GRIN2C: variants seen among roughly 807,000 people sequenced by gnomAD.
The protein encoded by GRIN2C is glutamate ionotropic receptor NMDA type subunit 2C.
A neutral mutation model predicts 77.7 loss-of-function variants in GRIN2C; 64 were observed. The observed-to-expected ratio is 0.82, with a 90% confidence interval of 0.67 to 1.01. The LOEUF (loss-of-function observed/expected upper bound fraction) is 1.01, where lower values mean the gene tolerates loss of function less well. GRIN2C is among the 50% of genes least tolerant of loss of function. GRIN2C has a pLI of 0.00. For missense variants in GRIN2C, 1,549 were observed against 1,486.0 expected (o/e 1.04, Z -0.70); for synonymous variants, 792 against 643.4 (o/e 1.23, Z -3.49).
In GRIN2C at chr17:74,855,056, A is replaced by G; in HGVS notation, c.37T>C (p.Ser13Pro). 6.3e-7 allele frequency: 1 copy of G among 1,597,200 alleles called. No homozygotes were observed. The highest frequency in any genetic ancestry group is 8.5e-7 in the Non-Finnish European group (1 of 1,177,964). Residue 13 changes from serine (S) to proline (P), a missense_variant, in exon 2 of 13, where the codon TCG becomes CCG. Ser to Pro is a moderately conservative substitution (Grantham distance 74). This residue lies in a region of GRIN2C where 382 missense variants were observed against 360.0 expected (regional missense o/e 1.06). Coordinates refer to ENST00000293190, the MANE Select transcript of GRIN2C (RefSeq NM_000835.6). ...AGCCCTGCCCAGGCACCGAAGAGCG[A>G]GGTGAGCAACAGGGCCGGCCCCAGG... is the stretch of plus-strand genomic sequence containing the variant. ...GALGPALLLT[S>P]LFGAWAGLGP... is the part of the protein sequence containing the mutation.
upstream of GRIN2C, chr17:74,860,394 G>A: frequency 2.2e-6 from 1 of 456,592 alleles, no homozygotes. Flanking sequence ...CTGGGAAACC[G>A]AGTGGACGAA....
Position 74,850,811 on chromosome 17 carries a change from G to T in GRIN2C, c.1114-44C>A, listed in dbSNP as rs1445296235. 2.7e-6 allele frequency: 4 copies of T among 1,500,384 alleles called. No homozygotes were observed. Among genetic ancestry groups the T allele is most frequent in the Non-Finnish European group, 3.7e-6 (4 of 1,091,336 alleles). 92.9% of individuals were successfully genotyped at this position (1,500,384 alleles called of 1,614,324 possible). On this transcript the variant is annotated intron_variant, in intron 4 of 12. Transcript: ENST00000293190. This position sits in a 1 kb window ranked among gnomAD's most constrained non-coding sequence, Gnocchi z 5.3. ...TCAGCCTGGGGCCTCCAGCCCTACA[G>T]CCCCCACCCTCTAGGTGGAGCCTGC...
In GRIN2C at chr17:74,850,480, C is replaced by A; in HGVS notation, c.1325+76G>T. On this transcript the variant is annotated intron_variant, in intron 5 of 12. Transcript: ENST00000293190. This position sits in a 1 kb window ranked among gnomAD's most constrained non-coding sequence, Gnocchi z 5.3. The stretch of plus-strand genomic sequence containing the variant: ...CGTGGACCCCTGCCCCACACCCAAG[C>A]ATGGGACATACACGACACCTGACCA... The A allele has an allele frequency of 6.4e-7, 1 of 1,570,172 alleles. No homozygotes were observed. The highest frequency in any genetic ancestry group is 8.7e-7 in the Non-Finnish European group (1 of 1,145,162).
rs779630456 is a variant in GRIN2C, at chr17:74,854,952, A to G, written c.141T>C (p.Arg47=). 2 of 1,612,950 alleles carry G rather than the reference A, an allele frequency of 1.2e-6. No individual in the cohort carries two copies. Among genetic ancestry groups the G allele is most frequent in the South Asian group, 2.2e-5 (2 of 91,048 alleles). The change falls in exon 2 of 13, where the codon CGT becomes CGC. Residue 47 remains arginine (R), a synonymous_variant. Coordinates refer to ENST00000293190, the MANE Select transcript of GRIN2C (RefSeq NM_000835.6). ...GGAAGCTCTGGGGGGTGAGGCGGGCACGGAACTGGGCCTGGGGCGGCCCTG... is the reference window on the plus strand; with the variant it reads ...GGAAGCTCTGGGGGGTGAGGCGGGCGCGGAACTGGGCCTGGGGCGGCCCTG... ...SSSGPPQAQF[R]ARLTPQSFLD...
intron 12 of GRIN2C, among the ~76,000 whole-genome samples, chr17:74,843,795 T>C (rs2037376304): frequency 6.6e-6 from 1 of 151,852 alleles, no homozygotes; most frequent in Non-Finnish European, 1.5e-5. Flanking sequence ...GGTTCCAACC[T>C]GGGCACACCT....
rs1050007053 is a variant in GRIN2C, at chr17:74,843,274, G to A, written c.2863C>T (p.Pro955Ser). ...GGCGGTCCCCAGCCCGTGGGGCTCGGCTCTGGGGGCGGGTCGGGGGTGGGC... is the reference window on the plus strand; with the variant it reads ...GGCGGTCCCCAGCCCGTGGGGCTCGACTCTGGGGGCGGGTCGGGGGTGGGC... The part of the protein sequence containing the change: ...CLPTPDPPPE[P>S]SPTGWGPPDG... The change falls in exon 13 of 13, where the codon CCG becomes TCG. Residue 955 changes from proline to serine, a missense_variant. Around this residue, in one of 3 missense-constraint regions of GRIN2C, gnomAD observed 450 missense variants for 267.9 expected, o/e 1.68. Transcript: ENST00000293190. The A allele has an allele frequency of 7.1e-6, 7 of 983,108 alleles. No homozygotes were observed. Among genetic ancestry groups the A allele is most frequent in the Non-Finnish European group, 9.9e-6 (7 of 705,500 alleles). The allele number at this position is 983,108 out of a possible 1,614,324, so 60.9% of individuals were successfully genotyped here.
Position 74,846,152 on chromosome 17 carries a change from G to A in GRIN2C, c.2264C>T (p.Ala755Val). The change falls in exon 11 of 13, where the codon GCT (alanine) becomes GTT (valine). Residue 755 changes from alanine (A) to valine (V), a missense_variant. Around this residue, in one of 3 missense-constraint regions of GRIN2C, gnomAD observed 717 missense variants for 858.1 expected, o/e 0.84. Transcript: ENST00000293190. The surrounding 1 kb of genome is among the most constrained non-coding windows in gnomAD (Gnocchi z 4.4). The stretch of plus-strand genomic sequence containing the variant: ...CATGGCGATGCCGTAGCCAGTGGTA[G>A]CAAAGACCTTGCCAGACCCAATGGT... Reference protein sequence around the residue: ...LVTIGSGKVFATTGYGIAMQK... With the variant: ...LVTIGSGKVFVTTGYGIAMQK... 1 of 1,614,172 alleles carries A rather than the reference G, an allele frequency of 6.2e-7. No homozygotes were observed. The highest frequency in any genetic ancestry group is 8.5e-7 in the Non-Finnish European group (1 of 1,180,002).
chr17:74,852,317 C>A lies in GRIN2C; in HGVS notation c.694G>T (p.Glu232Ter). The change falls in exon 3 of 13, where the codon GAG becomes TAG. Residue 232 changes from glutamate (E) to a stop codon, truncating the protein, a stop_gained. Coordinates refer to ENST00000293190, the MANE Select transcript of GRIN2C (RefSeq NM_000835.6). LOFTEE classifies it high-confidence loss of function. Reference sequence around the variant, plus strand: ...GCCTCGGCGAAGAGCACCTCGGCCTCCTCGCGCGAGCAGTAGGCCACAAAC... The same window carrying A: ...GCCTCGGCGAAGAGCACCTCGGCCTACTCGCGCGAGCAGTAGGCCACAAAC... ...PVFVAYCSRE[E>*]AEVLFAEAAQ... 6.9e-7 allele frequency: 1 copy of A among 1,453,006 alleles called. No homozygotes were observed. Among genetic ancestry groups the A allele is most frequent in the East Asian group, 2.9e-5 (1 of 34,380 alleles). The allele number at this position is 1,453,006 out of a possible 1,614,324, so 90.0% of individuals were successfully genotyped here.
chr17:74,854,653 C>G (rs770237357), intron 2 of GRIN2C, 41 bp downstream of exon 2: 2 of 1,565,452 alleles, frequency 1.3e-6, no homozygotes, highest in South Asian at 1.2e-5. Flanking sequence ...CAGCCTGGTT[C>G]CAGGCCTGAG....
rs777291939 is a variant in GRIN2C, at chr17:74,846,715, G to A, written c.2162+45C>T. The A allele has an allele frequency of 6.3e-7, 1 of 1,586,304 alleles. No individual in the cohort carries two copies. ...ATTGAGAGCTAAGGCTGGTCACTGG[G>A]GAGACACACGGATGAAGACAGCGGG... is the stretch of plus-strand genomic sequence containing the variant. On this transcript the variant is annotated intron_variant, in intron 10 of 12. Coordinates refer to ENST00000293190, the MANE Select transcript of GRIN2C (RefSeq NM_000835.6). This position sits in a 1 kb window ranked among gnomAD's most constrained non-coding sequence, Gnocchi z 4.4.
rs1473561010 is a variant in GRIN2C at position 74,849,023 on chromosome 17, A to G, written c.1645+757T>C. 6.7e-6 allele frequency among the ~76,000 whole-genome samples: 1 copy of G among 149,484 alleles called. No individual in the cohort carries two copies. The highest frequency in any genetic ancestry group is 1.9e-4 in the East Asian group (1 of 5,196). On this transcript the variant is annotated intron_variant, in intron 7 of 12. Transcript: ENST00000293190. This position sits in a 1 kb window ranked among gnomAD's most constrained non-coding sequence, Gnocchi z 4.6. ...ACAGAGGAACACCCTGTCTCAAAAAAAAAAAGGAAGGAAAGAAGAAAGGAA... is the reference window on the plus strand; with the variant it reads ...ACAGAGGAACACCCTGTCTCAAAAAGAAAAAGGAAGGAAAGAAGAAAGGAA...
chr17:74,846,771 G>T lies in GRIN2C; in HGVS notation c.2151C>A (p.Ser717Arg), dbSNP rs780143618. 1 of 1,613,764 alleles carries T rather than the reference G, an allele frequency of 6.2e-7. No individual in the cohort carries two copies. The highest frequency in any genetic ancestry group is 1.1e-5 in the South Asian group (1 of 91,042). ...NQRSVEDALT[S>R]LKMGKLDAFI... is the part of the protein sequence containing the mutation. Reference sequence around the variant, plus strand: ...GGCTGGGGACCCACCCCATCTTGAGGCTGGTGAGCGCGTCCTCCACCGAGC... The same window carrying T: ...GGCTGGGGACCCACCCCATCTTGAGTCTGGTGAGCGCGTCCTCCACCGAGC... The change falls in exon 10 of 13, where the codon AGC becomes AGA. Residue 717 changes from serine (S) to arginine (R), a missense_variant. Ser to Arg is a moderately radical substitution (Grantham distance 110). Coordinates refer to ENST00000293190, the MANE Select transcript of GRIN2C (RefSeq NM_000835.6). This position sits in a 1 kb window ranked among gnomAD's most constrained non-coding sequence, Gnocchi z 4.4.
In GRIN2C at chr17:74,855,062, G is replaced by A. The variant is rs1400587433; in HGVS notation, c.31C>T (p.Leu11Phe). The change falls in exon 2 of 13, where the codon CTC becomes TTC. Residue 11 changes from leucine (L) to phenylalanine (F), a missense_variant. Around this residue, in one of 3 missense-constraint regions of GRIN2C, gnomAD observed 382 missense variants for 360.0 expected, o/e 1.06. Coordinates refer to ENST00000293190, the MANE Select transcript of GRIN2C (RefSeq NM_000835.6). MGGALGPALL[L>F]TSLFGAWAGL... ...GCCCAGGCACCGAAGAGCGAGGTGA[G>A]CAACAGGGCCGGCCCCAGGGCCCCA... 1.3e-6 allele frequency: 2 copies of A among 1,595,576 alleles called. No homozygotes were observed. The highest frequency in any genetic ancestry group is 1.7e-5 in the Admixed American group (1 of 59,584).
chr17:74,851,624 G>A lies in GRIN2C; in HGVS notation c.1066C>T (p.Pro356Ser). 7 of 1,570,894 alleles carry A rather than the reference G, an allele frequency of 4.5e-6. No homozygotes were observed. The highest frequency in any genetic ancestry group is 6.1e-6 in the Non-Finnish European group (7 of 1,156,746). ...SFSPGGYLVQ[P>S]TMVVIALNRH... is the part of the protein sequence containing the mutation. The stretch of plus-strand genomic sequence containing the variant: ...TTGAGGGCGATCACCACCATGGTGG[G>A]CTGGACCAGGTACCCACCAGGGCTG... Residue 356 changes from proline (P) to serine (S), a missense_variant, in exon 4 of 13, where the codon CCC (proline) becomes TCC (serine). This residue lies in a region of GRIN2C where 717 missense variants were observed against 858.1 expected (regional missense o/e 0.84). Transcript: ENST00000293190.
chr17:74,858,067 C>T (rs2037862144), intron 1 of GRIN2C, among the ~76,000 whole-genome samples: 1 of 152,122 alleles, frequency 6.6e-6, no homozygotes, highest in South Asian at 2.1e-4. Flanking sequence ...GGCTCTCCCT[C>T]AACTGCAAAG....
rs199997847 is a variant in GRIN2C at position 74,849,148 on chromosome 17, A to G, written c.1645+632T>C. On this transcript the variant is annotated intron_variant, in intron 7 of 12. Transcript: ENST00000293190. The surrounding 1 kb of genome is among the most constrained non-coding windows in gnomAD (Gnocchi z 4.6). ...TTTTTTTTCCTCTCTTCCGTGGCTG[A>G]GGAGCCTGCTCAGAGAGGTTCTGTG... is the stretch of plus-strand genomic sequence containing the variant. Among the ~76,000 whole-genome samples, 4 of 87,862 alleles carry G rather than the reference A, an allele frequency of 4.6e-5. No homozygotes were observed. The highest frequency in any genetic ancestry group is 4.1e-4 in the Admixed American group (4 of 9,778). 57.6% of individuals were successfully genotyped at this position (87,862 alleles called of 152,430 possible).
In GRIN2C at chr17:74,854,905, T is replaced by G. The variant is rs1443063289; in HGVS notation, c.188A>C (p.Gln63Pro). The G allele has an allele frequency of 2.5e-6, 4 of 1,613,374 alleles. No homozygotes were observed. The highest frequency in any genetic ancestry group is 3.4e-6 in the Non-Finnish European group (4 of 1,179,550). ...GGTGTTGACCCCAACTGTGAGCGGCTGGATCTCCAGGGGTAGGTCCAGGAA... is the reference window on the plus strand; with the variant it reads ...GGTGTTGACCCCAACTGTGAGCGGCGGGATCTCCAGGGGTAGGTCCAGGAA... ...QSFLDLPLEI[Q>P]PLTVGVNTTN... is the part of the protein sequence containing the mutation. Residue 63 changes from glutamine to proline, a missense_variant, in exon 2 of 13, where the codon CAG (glutamine) becomes CCG (proline). Physicochemically the swap from Gln to Pro is moderately conservative, Grantham distance 76 (BLOSUM62 -1). Transcript: ENST00000293190.
chr17:74,858,114 C>G (rs1335832375), intron 1 of GRIN2C, among the ~76,000 whole-genome samples: 1 of 152,136 alleles, frequency 6.6e-6, no homozygotes, highest in Non-Finnish European at 1.5e-5. Context: ...CATCTCCAAC[C>G]TCCTTTTTCT....
chr17:74,850,751 T>G lies in GRIN2C; in HGVS notation c.1130A>C (p.His377Pro), dbSNP rs1474404514. 1 of 1,612,372 alleles carries G rather than the reference T, an allele frequency of 6.2e-7. No homozygotes were observed. Residue 377 changes from histidine (H) to proline (P), a missense_variant, in exon 5 of 13, where the codon CAT becomes CCT. By Grantham distance (77) the His-to-Pro change is moderately conservative. Around this residue, in one of 3 missense-constraint regions of GRIN2C, gnomAD observed 717 missense variants for 858.1 expected, o/e 0.84. Transcript: ENST00000293190. The surrounding 1 kb of genome is among the most constrained non-coding windows in gnomAD (Gnocchi z 5.3). ...RLWEMVGRWE[H>P]GVLYMKYPVW... is the part of the protein sequence containing the mutation. ...GGGGTACTTCATGTATAGGACGCCA[T>G]GCTCCCAGCGCCCCACCTGTGGAGG...
Sources: allele counts gnomAD v4.1 joint callset (sites outside exome capture counted in the v4.1 genomes callset), GRCh38; gene constraint gnomAD v4.1.1; regional missense constraint gnomAD v4.1.1; non-coding constraint Gnocchi (gnomAD v3.1); transcripts MANE v1.5; gene names NCBI Gene and HGNC (gene_info 2026-07-23, HGNC 2026-07-21).